FHIT: variants seen among roughly 807,000 people sequenced by gnomAD.
FHIT encodes fragile histidine triad diadenosine triphosphatase.
FHIT carries 19 observed loss-of-function variants against 17.9 expected under a neutral mutation model. That is an observed-to-expected ratio of 1.06 (90% CI 0.74 to 1.56). The LOEUF is 1.56. FHIT is among the 40% of genes most tolerant of loss of function. The probability of loss-of-function intolerance (pLI) is 0.00; values close to 1 mark genes in which losing one functional copy is unlikely to be tolerated. For synonymous variants in FHIT, 81 were observed against 69.7 expected, an observed-to-expected ratio of 1.16 and a Z score of -0.81; for missense variants, 248 against 189.2, an observed-to-expected ratio of 1.31 and a Z score of -1.82.
chr3:60,525,213 T>A (rs1342799953), intron 5 of FHIT, among the ~76,000 whole-genome samples: 1 of 152,214 alleles, frequency 6.6e-6, no homozygotes, highest in Non-Finnish European at 1.5e-5. Context: ...CTTTGTTGGC[T>A]TAAGAGCATG....
chr3:61,006,901 G>C (rs2031488579), intron 3 of FHIT, among the ~76,000 whole-genome samples: 1 of 152,090 alleles, frequency 6.6e-6, no homozygotes, highest in Admixed American at 6.5e-5. Flanking sequence ...CTTTCGATTG[G>C]AAAGAAGGAG....
At chr3:59,780,453 A>G (rs181788925) in intron 8 of FHIT, among the ~76,000 whole-genome samples, 8 of 152,310 alleles carry the variant, frequency 5.3e-5, no homozygotes, top group Admixed American at 3.9e-4. Flanking sequence ...GAATCAGGAG[A>G]GCACACTGGC....
chr3:61,042,678 A>T (rs571536924), intron 2 of FHIT, among the ~76,000 whole-genome samples: 5 of 151,914 alleles, frequency 3.3e-5, no homozygotes, highest in Non-Finnish European at 7.4e-5. Flanking sequence ...GTCTCTACTA[A>T]AAATACAAAA....
chr3:60,533,681 T>C (rs1421187518), intron 5 of FHIT, among the ~76,000 whole-genome samples: 1 of 151,970 alleles, frequency 6.6e-6, no homozygotes, highest in Non-Finnish European at 1.5e-5. Flanking sequence ...GAATCTCCAG[T>C]TGAGGTGAGG....
chr3:60,584,298 T>C (rs12494672), intron 4 of FHIT, among the ~76,000 whole-genome samples: 18,826 of 151,906 alleles, frequency 0.12, 1,768 homozygotes, highest in East Asian at 0.35. Flanking sequence ...AGGCTTTTTT[T>C]CCCCTCTGAG....
chr3:60,072,883 G>A (rs1702841415), intron 5 of FHIT, among the ~76,000 whole-genome samples: 1 of 152,126 alleles, frequency 6.6e-6, no homozygotes, highest in South Asian at 2.1e-4. Context: ...CTGTTTGAAG[G>A]GAGAGATTCA....
intron 1 of FHIT, among the ~76,000 whole-genome samples, chr3:61,202,997 G>A (rs180686916): frequency 0.019 from 2,840 of 151,730 alleles, 82 homozygotes; most frequent in African/African-American, 0.065. Context: ...TGGCTAATAT[G>A]GTGAAACCCC....
intron 4 of FHIT, among the ~76,000 whole-genome samples, chr3:60,712,200 T>C (rs534569251): frequency 1.3e-5 from 2 of 152,174 alleles, no homozygotes; most frequent in Admixed American, 6.5e-5. Context: ...GAAGGAGAAA[T>C]AAAATCCTTT....
intron 3 of FHIT, among the ~76,000 whole-genome samples, chr3:60,950,282 G>C (rs1440009900): frequency 6.6e-6 from 1 of 152,096 alleles, no homozygotes; most frequent in East Asian, 1.9e-4. Context: ...ACTATTAAGG[G>C]GGGAAACACA....
intron 4 of FHIT, among the ~76,000 whole-genome samples, chr3:60,584,535 G>C (rs2037847690): frequency 6.6e-6 from 1 of 151,922 alleles, no homozygotes; most frequent in Non-Finnish European, 1.5e-5. Flanking sequence ...TACTCCCTTT[G>C]GAATCCCAAA....
In FHIT at chr3:60,263,796, A is replaced by C. The variant is rs367545418; in HGVS notation, c.104-249644T>G. 7.2e-5 allele frequency among the ~76,000 whole-genome samples: 11 copies of C among 152,094 alleles called. No homozygotes were observed. The South Asian group carries it at 1.2e-3, about 17-fold the overall frequency. ...TATATAAATGATATCAAAAAATTAA[A>C]ACTAAAGAAATAAAGTCTTTAGCTT... On this transcript the variant is annotated intron_variant, in intron 5 of 9. Coordinates refer to ENST00000492590, the MANE Select transcript of FHIT (RefSeq NM_002012.4).
intron 3 of FHIT, among the ~76,000 whole-genome samples, chr3:60,950,082 C>T (rs372010297): frequency 2.6e-5 from 4 of 152,164 alleles, no homozygotes; most frequent in Non-Finnish European, 5.9e-5. Flanking sequence ...GCATGCATTA[C>T]CTTTTCTATG....
intron 5 of FHIT, among the ~76,000 whole-genome samples, chr3:60,175,309 G>C (rs575325994): frequency 6.6e-6 from 1 of 152,180 alleles, no homozygotes; most frequent in South Asian, 2.1e-4. Flanking sequence ...ACTAATGTGA[G>C]TGCCTACAGA....
At chr3:60,273,479 G>A (rs369958645) in intron 5 of FHIT, among the ~76,000 whole-genome samples, 71 of 151,990 alleles carry the variant, frequency 4.7e-4, no homozygotes, top group African/African-American at 1.7e-3. Flanking sequence ...GGGTGGTGGC[G>A]GGTGCCTGTC....
intron 5 of FHIT, among the ~76,000 whole-genome samples, chr3:60,223,130 C>G (rs765615019): frequency 2.0e-4 from 30 of 152,236 alleles, no homozygotes; most frequent in Non-Finnish European, 3.5e-4. Context: ...AGACTTTCTT[C>G]CAGGGATAGA....
At chr3:60,002,532 G>T (rs552167297) in intron 7 of FHIT, among the ~76,000 whole-genome samples, 1 of 152,188 alleles carries the variant, frequency 6.6e-6, no homozygotes, top group Non-Finnish European at 1.5e-5. Flanking sequence ...TAGAAGGAGG[G>T]AAAGGATTCC....
At chr3:60,237,262 A>ATTTTTTTTTTTTTTTT (rs201958097) in intron 5 of FHIT, among the ~76,000 whole-genome samples, 2 of 124,850 alleles carry the variant, frequency 1.6e-5, no homozygotes, top group African/African-American at 6.1e-5. Context: ...TTGTTTTTCC[A>ATTTTTTTTTTTTTTTT]TTTTTTTTTT....
intron 8 of FHIT, among the ~76,000 whole-genome samples, chr3:59,895,066 T>C (rs1477146867): frequency 6.6e-6 from 1 of 152,214 alleles, no homozygotes; most frequent in Non-Finnish European, 1.5e-5. Flanking sequence ...GGAGACATTT[T>C]TGGTTGTCAC....
intron 7 of FHIT, among the ~76,000 whole-genome samples, chr3:59,969,614 G>A (rs1468326941): frequency 6.6e-6 from 1 of 151,922 alleles, no homozygotes; most frequent in Non-Finnish European, 1.5e-5. Flanking sequence ...GTATAATTTG[G>A]GGCCATTACC....
Sources: gnomAD v4.1 joint callset for allele counts (sites outside exome capture counted in the v4.1 genomes callset) on GRCh38, gnomAD v4.1.1 for gene constraint, MANE v1.5 for transcripts, NCBI Gene and HGNC (gene_info 2026-07-23, HGNC 2026-07-21) for gene names.